CRKL: variants seen among roughly 807,000 people sequenced by gnomAD.
CRKL encodes the protein crk-like protein.
A neutral mutation model predicts 23.0 loss-of-function variants in CRKL; 3 were observed. That is an observed-to-expected ratio of 0.13 (90% confidence interval 0.06 to 0.34). CRKL has a LOEUF of 0.34. Ranked by LOEUF, CRKL falls within the 10% of genes least tolerant of loss-of-function variation. The pLI is 1.00. For synonymous variants in CRKL, 188 were observed against 160.7 expected, an observed-to-expected ratio of 1.17 and a Z score of -1.28; for missense variants, 256 against 394.5, an observed-to-expected ratio of 0.65 and a Z score of 2.97.
At chr22:20,926,966 G>A (rs979137768) in intron 1 of CRKL, among the ~76,000 whole-genome samples, 4 of 151,578 alleles carry the variant, frequency 2.6e-5, no homozygotes, top group Non-Finnish European at 5.9e-5. Context: ...TAAAAAATTA[G>A]CCAGGCATGG....
In CRKL at chr22:20,952,646, G is replaced by T. The variant is rs1219945179; in HGVS notation, c.*2801G>T. The T allele has an allele frequency of 4.3e-6, 1 of 232,468 alleles. No homozygotes were observed. Among genetic ancestry groups the T allele is most frequent in the Non-Finnish European group, 8.5e-6 (1 of 117,594 alleles). The allele number at this position is 232,468 out of a possible 1,614,324, so 14.4% of individuals were successfully genotyped here. A position where few individuals can be genotyped will look rare whatever the true frequency, so the allele number is the denominator to read the frequency against. On this transcript the variant is annotated 3_prime_UTR_variant, in exon 3 of 3. Coordinates refer to ENST00000354336, the MANE Select transcript of CRKL (RefSeq NM_005207.4). The stretch of plus-strand genomic sequence containing the variant: ...AGAGCAGTGCACATCTGACCCAGAG[G>T]GTGGGTGTTCATAACTGCTACTTGC...
chr22:20,946,722 C>T (rs1922069551), intron 2 of CRKL, among the ~76,000 whole-genome samples: 10 of 69,008 alleles, frequency 1.4e-4, no homozygotes, highest in Admixed American at 1.4e-3. Flanking sequence ...ACCCCTCCCT[C>T]CAAAAAAAAA....
chr22:20,935,685 C>G (rs1921634242), intron 2 of CRKL, among the ~76,000 whole-genome samples: 1 of 151,518 alleles, frequency 6.6e-6, no homozygotes, highest in African/African-American at 2.4e-5. Flanking sequence ...ACCACCCTGC[C>G]CGGCTAATTT....
In CRKL at chr22:20,950,058, G is replaced by A; in HGVS notation, c.*213G>A. On this transcript the variant is annotated 3_prime_UTR_variant, in exon 3 of 3. Coordinates refer to ENST00000354336, the MANE Select transcript of CRKL (RefSeq NM_005207.4). ...TATTGTCAAAGAGTAGCCGATTTTA[G>A]AGTTCTTTTGGATCATAAACTGGAA... 1.8e-6 allele frequency: 1 copy of A among 555,956 alleles called. No homozygotes were observed. The highest frequency in any genetic ancestry group is 2.8e-5 in the South Asian group (1 of 35,628). The allele number at this position is 555,956 out of a possible 1,614,324, so 34.4% of individuals were successfully genotyped here.
chr22:20,922,254 C>T (rs1921021313), intron 1 of CRKL, among the ~76,000 whole-genome samples: 1 of 151,964 alleles, frequency 6.6e-6, no homozygotes, highest in Non-Finnish European at 1.5e-5. Context: ...ATATCTTGAC[C>T]TCATGATCCA....
chr22:20,949,286 C>T (rs117376431), intron 2 of CRKL, among the ~76,000 whole-genome samples: 4,619 of 152,152 alleles, frequency 0.03, 93 homozygotes, highest in Middle Eastern at 0.065. Context: ...CCACCACACC[C>T]GGCTAATTTT....
In CRKL at chr22:20,917,971, G is replaced by T; in HGVS notation, c.37G>T (p.Ala13Ser). The part of the protein sequence containing the change: ...SARFDSSDRS[A>S]WYMGPVSRQE... ...CAGGTTCGACTCCTCGGACCGCTCCGCCTGGTATATGGGGCCGGTGTCTCG... is the reference window on the plus strand; with the variant it reads ...CAGGTTCGACTCCTCGGACCGCTCCTCCTGGTATATGGGGCCGGTGTCTCG... The change falls in exon 1 of 3, where the codon GCC becomes TCC. Residue 13 changes from alanine (A) to serine (S), a missense_variant. Transcript: ENST00000354336. 1 of 1,614,072 alleles carries T rather than the reference G, an allele frequency of 6.2e-7. No individual in the cohort carries two copies. Among genetic ancestry groups the T allele is most frequent in the Non-Finnish European group, 8.5e-7 (1 of 1,180,010 alleles).
rs924521339 is a variant in CRKL, at chr22:20,917,856, C to T, written c.-79C>T. ...GAGAGGCCCTTCCTCGGCCCCAAAGCCGTCTGCCGGGCTAAGGCGTGCAGA... is the reference window on the plus strand; with the variant it reads ...GAGAGGCCCTTCCTCGGCCCCAAAGTCGTCTGCCGGGCTAAGGCGTGCAGA... On this transcript the variant is annotated 5_prime_UTR_variant, in exon 1 of 3. Transcript: ENST00000354336. 7.2e-5 allele frequency: 101 copies of T among 1,409,774 alleles called. No homozygotes were observed. The African/African-American group carries it at 1.3e-3, about 18-fold the overall frequency. The allele number at this position is 1,409,774 out of a possible 1,614,324, so 87.3% of individuals were successfully genotyped here.
rs751395009 is a variant in CRKL, at chr22:20,918,258, C to T, written c.311+13C>T. 3.4e-5 allele frequency: 55 copies of T among 1,611,644 alleles called. No individual in the cohort carries two copies. The highest frequency in any genetic ancestry group is 3.3e-4 in the Middle Eastern group (2 of 6,082). Reference sequence around the variant, plus strand: ...AGCCTGCGCCCAGGTACGCGAGAGCCCTCCCCGACCGCGGAGGAAGGTCGA... The same window carrying T: ...AGCCTGCGCCCAGGTACGCGAGAGCTCTCCCCGACCGCGGAGGAAGGTCGA... On this transcript the variant is annotated intron_variant, in intron 1 of 2. Transcript: ENST00000354336.
chr22:20,943,223 T>G (rs1278956691), intron 2 of CRKL, among the ~76,000 whole-genome samples: 1 of 152,016 alleles, frequency 6.6e-6, no homozygotes, highest in Non-Finnish European at 1.5e-5. Flanking sequence ...TATTTGAGCG[T>G]TTTTGTTTTT....
chr22:20,936,166 A>AG (rs1208028060), intron 2 of CRKL, among the ~76,000 whole-genome samples: 2 of 152,120 alleles, frequency 1.3e-5, no homozygotes, highest in Admixed American at 6.6e-5. Context: ...TCTCAAAAAA[A>AG]GGGGGGAGAA....
chr22:20,938,299 A>G (rs1370092227), intron 2 of CRKL, among the ~76,000 whole-genome samples: 1 of 152,154 alleles, frequency 6.6e-6, no homozygotes, highest in Non-Finnish European at 1.5e-5. Context: ...GTAAAGAGAT[A>G]TTTTAAAACC....
chr22:20,923,862 G>A lies in CRKL; in HGVS notation c.311+5617G>A, dbSNP rs1921086427. On this transcript the variant is annotated intron_variant, in intron 1 of 2. Coordinates refer to ENST00000354336, the MANE Select transcript of CRKL (RefSeq NM_005207.4). Reference sequence around the variant, plus strand: ...CAAAGTGCTGGGATTACAGGCGTAAGTCACCGCGCCTGGCTACTAAAAAAA... The same window carrying A: ...CAAAGTGCTGGGATTACAGGCGTAAATCACCGCGCCTGGCTACTAAAAAAA... 3.3e-5 allele frequency among the ~76,000 whole-genome samples: 5 copies of A among 151,586 alleles called. No homozygotes were observed. In the South Asian group the frequency reaches 8.3e-4, roughly 25 times the overall value.
At chr22:20,934,853 G>T (rs1241532156) in intron 2 of CRKL, among the ~76,000 whole-genome samples, 1 of 118,486 alleles carries the variant, frequency 8.4e-6, no homozygotes, top group Non-Finnish European at 1.6e-5. Context: ...TCACTCTGTC[G>T]CCCAGGCTGG....
intron 1 of CRKL, among the ~76,000 whole-genome samples, chr22:20,931,812 ATTTTAT>A (rs1305433636): frequency 6.6e-6 from 1 of 151,568 alleles, no homozygotes; most frequent in Non-Finnish European, 1.5e-5. Context: ...TTTTTATTTT[ATTTTAT>A]TTTATTTTTT....
At chr22:20,921,794 C>T (rs1349048881) in intron 1 of CRKL, among the ~76,000 whole-genome samples, 3 of 150,192 alleles carry the variant, frequency 2.0e-5, no homozygotes, top group Admixed American at 6.6e-5. Context: ...CTGCAAGCTC[C>T]GCCTCCTGGG....
Position 20,953,125 on chromosome 22 carries a change from C to A in CRKL, c.*3280C>A. The A allele has an allele frequency of 4.3e-6, 1 of 231,590 alleles. No individual in the cohort carries two copies. Among genetic ancestry groups the A allele is most frequent in the Non-Finnish European group, 8.6e-6 (1 of 116,810 alleles). The allele number at this position is 231,590 out of a possible 1,614,324, so 14.3% of individuals were successfully genotyped here. ...TGAAAAGGGATGATGTGGTTTTTTG[C>A]CAGGTGTTTATAATTAATCCTTTAA... On this transcript the variant is annotated 3_prime_UTR_variant, in exon 3 of 3. Coordinates refer to ENST00000354336, the MANE Select transcript of CRKL (RefSeq NM_005207.4).
intron 2 of CRKL, among the ~76,000 whole-genome samples, chr22:20,936,865 CTT>C (rs111769747): frequency 7.0e-6 from 1 of 143,276 alleles, no homozygotes; most frequent in Admixed American, 7.0e-5. Flanking sequence ...GCTTTCTTTC[CTT>C]TTTTTTTTTT....
intron 1 of CRKL, among the ~76,000 whole-genome samples, chr22:20,919,587 A>AT (rs1188377497): frequency 5.3e-5 from 8 of 152,288 alleles, no homozygotes; most frequent in African/African-American, 1.4e-4. Flanking sequence ...TGTAACACTG[A>AT]TTTTATCAGA....
Sources: allele counts gnomAD v4.1 joint callset (sites outside exome capture counted in the v4.1 genomes callset), GRCh38; gene constraint gnomAD v4.1.1; transcripts MANE v1.5; gene names NCBI Gene and HGNC (gene_info 2026-07-23, HGNC 2026-07-21).